Variants in AJAP1 observed in about 807,000 individuals in gnomAD.
AJAP1 encodes the protein adherens junctions associated protein 1, also known as adherens junction-associated protein 1.
AJAP1 carries 5 observed loss-of-function variants against 35.0 expected under a neutral mutation model. That is an observed-to-expected ratio of 0.14 (90% CI 0.07 to 0.30). The LOEUF (loss-of-function observed/expected upper bound fraction) is 0.30. AJAP1 is among the 10% of genes least tolerant of loss of function. The pLI is 1.00. For missense variants in AJAP1, 586 were observed against 571.0 expected (o/e 1.03, Z -0.27); for synonymous variants, 284 against 249.3 (o/e 1.14, Z -1.31).
chr1:4,703,895 G>T (rs933556260), intron 1 of AJAP1, among the ~76,000 whole-genome samples: 1 of 152,292 alleles, frequency 6.6e-6, no homozygotes, highest in East Asian at 1.9e-4. Context: ...CTGCCTCCCC[G>T]AGCTCCCTGG....
At position 4,762,738 on chromosome 1, in the gene AJAP1, A is replaced by T. The variant is rs767693996; in HGVS notation, c.830-7115A>T. Among the ~76,000 whole-genome samples the T allele has an allele frequency of 2.6e-4, 39 of 152,122 alleles. 1 individual carries two copies. Among genetic ancestry groups the T allele is most frequent in the Admixed American group, 1.8e-3 (27 of 15,284 alleles). ...TGCTGAATTATTAAGCCTGAGGGTGATTGTGGGGACCCCAAATGGCACTGT... is the reference window on the plus strand; with the variant it reads ...TGCTGAATTATTAAGCCTGAGGGTGTTTGTGGGGACCCCAAATGGCACTGT... On this transcript the variant is annotated intron_variant, in intron 2 of 5. Coordinates refer to ENST00000378191, the MANE Select transcript of AJAP1 (RefSeq NM_018836.4).
At chr1:4,755,816 G>T (rs1641416806) in intron 2 of AJAP1, among the ~76,000 whole-genome samples, 1 of 150,606 alleles carries the variant, frequency 6.6e-6, no homozygotes, top group Admixed American at 6.6e-5. Flanking sequence ...GTAGGGCGGG[G>T]TGGTGGGGGG....
intron 1 of AJAP1, among the ~76,000 whole-genome samples, chr1:4,696,213 G>C (rs1410424521): frequency 1.3e-5 from 2 of 152,190 alleles, no homozygotes; most frequent in Non-Finnish European, 2.9e-5. Flanking sequence ...ATTCAGAAAT[G>C]TAGGCTTTCC....
At chr1:4,682,095 C>T (rs765973114) in intron 1 of AJAP1, among the ~76,000 whole-genome samples, 6 of 152,206 alleles carry the variant, frequency 3.9e-5, no homozygotes, top group Non-Finnish European at 7.3e-5. Context: ...ACCAATGATA[C>T]TGTGGTCCAC....
chr1:4,739,073 A>G (rs1347505519), intron 2 of AJAP1, among the ~76,000 whole-genome samples: 1 of 152,120 alleles, frequency 6.6e-6, no homozygotes, highest in Non-Finnish European at 1.5e-5. Flanking sequence ...TTCCATGGGC[A>G]CCGGAATTCT....
chr1:4,661,293 C>T (rs1638993819), intron 1 of AJAP1, among the ~76,000 whole-genome samples: 1 of 152,200 alleles, frequency 6.6e-6, no homozygotes, highest in East Asian at 1.9e-4. Context: ...TGTAATACTG[C>T]TAGGCTTTTC....
chr1:4,731,511 A>G (rs1640794320), intron 2 of AJAP1, among the ~76,000 whole-genome samples: 1 of 152,240 alleles, frequency 6.6e-6, no homozygotes, highest in Admixed American at 6.5e-5. Flanking sequence ...GACTTCAGAA[A>G]GGTGTGAACA....
chr1:4,720,673 G>A lies in AJAP1; in HGVS notation c.829+7974G>A, dbSNP rs1346172827. Among the ~76,000 whole-genome samples the A allele has an allele frequency of 6.6e-6, 1 of 152,244 alleles. No homozygotes were observed. Among genetic ancestry groups the A allele is most frequent in the Non-Finnish European group, 1.5e-5 (1 of 68,036 alleles). The stretch of plus-strand genomic sequence containing the variant: ...GTGAGCATGCAGCCCCTAGAGTTGA[G>A]TCAGGTCTTAAAAGATGCACGAAGC... On this transcript the variant is annotated intron_variant, in intron 2 of 5. Transcript: ENST00000378191. The surrounding 1 kb of genome is among the most constrained non-coding windows in gnomAD (Gnocchi z 4.4).
intron 5 of AJAP1, among the ~76,000 whole-genome samples, chr1:4,774,856 C>T (rs1339247597): frequency 6.6e-6 from 1 of 152,106 alleles, no homozygotes; most frequent in Non-Finnish European, 1.5e-5. Flanking sequence ...AAGGCCACCA[C>T]ATGCGTGGCC....
chr1:4,678,602 G>C (rs952146740), intron 1 of AJAP1, among the ~76,000 whole-genome samples: 2 of 152,170 alleles, frequency 1.3e-5, no homozygotes, highest in African/African-American at 4.8e-5. Flanking sequence ...AGCCAGCAAG[G>C]GAGAGAGTAC....
chr1:4,686,735 C>T (rs1322610312), intron 1 of AJAP1, among the ~76,000 whole-genome samples: 3 of 152,240 alleles, frequency 2.0e-5, no homozygotes, highest in Non-Finnish European at 2.9e-5. Flanking sequence ...GAAAGGCTTG[C>T]TCTTCCCGGC....
chr1:4,791,216 C>G lies in AJAP1; in HGVS notation c.*8731C>G, dbSNP rs967200305. On this transcript the variant is annotated 3_prime_UTR_variant, in exon 6 of 6. Coordinates refer to ENST00000378191, the MANE Select transcript of AJAP1 (RefSeq NM_018836.4). Reference sequence around the variant, plus strand: ...AGGATCAAGATCAGGTTGCTCCACACATTTGCAGATCAGGAACCCCGGGAA... The same window carrying G: ...AGGATCAAGATCAGGTTGCTCCACAGATTTGCAGATCAGGAACCCCGGGAA... 2 of 152,192 alleles carry G rather than the reference C, an allele frequency of 1.3e-5. No individual in the cohort carries two copies. The highest frequency in any genetic ancestry group is 2.9e-5 in the Non-Finnish European group (2 of 68,038). 9.4% of individuals were successfully genotyped at this position (152,192 alleles called of 1,614,324 possible). A position where few individuals can be genotyped will look rare whatever the true frequency, so the allele number is the denominator to read the frequency against.
chr1:4,767,038 G>A (rs559992937), intron 2 of AJAP1, among the ~76,000 whole-genome samples: 6 of 152,276 alleles, frequency 3.9e-5, no homozygotes, highest in African/African-American at 1.4e-4. Context: ...CACCCTTCAC[G>A]TTTTAATGTG....
chr1:4,749,172 C>T (rs1273427159), intron 2 of AJAP1, among the ~76,000 whole-genome samples: 1 of 152,216 alleles, frequency 6.6e-6, no homozygotes, highest in African/African-American at 2.4e-5. Context: ...CGTGAGCTCA[C>T]ACGGTGAGCA....
chr1:4,775,452 A>G (rs1570229479), intron 5 of AJAP1, among the ~76,000 whole-genome samples: 1 of 152,224 alleles, frequency 6.6e-6, no homozygotes, highest in African/African-American at 2.4e-5. Context: ...TAGAATACCA[A>G]TATTTGAAAA....
At chr1:4,727,535 A>G (rs1254355720) in intron 2 of AJAP1, among the ~76,000 whole-genome samples, 3 of 152,142 alleles carry the variant, frequency 2.0e-5, no homozygotes, top group African/African-American at 7.2e-5. Flanking sequence ...CTCTACAACC[A>G]TATTCTCACC....
intron 2 of AJAP1, among the ~76,000 whole-genome samples, chr1:4,730,724 A>C (rs541308227): frequency 6.6e-6 from 1 of 152,262 alleles, no homozygotes; most frequent in East Asian, 1.9e-4. Context: ...ATGTTGAGCC[A>C]CATCTGGGCC....
At chr1:4,683,158 T>C (rs1639526685) in intron 1 of AJAP1, among the ~76,000 whole-genome samples, 1 of 152,224 alleles carries the variant, frequency 6.6e-6, no homozygotes, top group East Asian at 1.9e-4. Flanking sequence ...ACTCCCCTTC[T>C]CTGTGCCTCA....
At chr1:4,697,929 G>A (rs531490959) in intron 1 of AJAP1, among the ~76,000 whole-genome samples, 109 of 152,336 alleles carry the variant, frequency 7.2e-4, no homozygotes, top group Middle Eastern at 3.4e-3. Context: ...CTAAGTCCGC[G>A]TTCTGTGCTC....
Sources: gnomAD v4.1 joint callset for allele counts (sites outside exome capture counted in the v4.1 genomes callset) on GRCh38, gnomAD v4.1.1 for gene constraint, Gnocchi (gnomAD v3.1) non-coding constraint, MANE v1.5 for transcripts, NCBI Gene and HGNC (gene_info 2026-07-23, HGNC 2026-07-21) for gene names.